Variants in MGAT4C observed in about 807,000 individuals in gnomAD.
MGAT4C encodes the protein MGAT4 family member C, also known as alpha-1,3-mannosyl-glycoprotein 4-beta-N-acetylglucosaminyltransferase C.
A neutral mutation model predicts 40.1 loss-of-function variants in MGAT4C; 19 were observed. That is an observed-to-expected ratio of 0.47 (90% CI 0.33 to 0.70). MGAT4C has a LOEUF of 0.70. Ranked by LOEUF, MGAT4C falls within the 30% of genes least tolerant of loss-of-function variation. The pLI, the probability that MGAT4C is intolerant of heterozygous loss-of-function variation, is 0.02. For synonymous variants in MGAT4C, 181 were observed against 187.1 expected, an observed-to-expected ratio of 0.97 and a Z score of 0.27; for missense variants, 491 against 563.2, an observed-to-expected ratio of 0.87 and a Z score of 1.30.
At chr12:86,770,602 A>G (rs1565978708) in intron 1 of MGAT4C, among the ~76,000 whole-genome samples, 2 of 152,064 alleles carry the variant, frequency 1.3e-5, no homozygotes, top group Admixed American at 1.3e-4. Flanking sequence ...TTTTGCATAG[A>G]TAATGTAGTA....
At chr12:86,568,052 T>C (rs1485621257) in intron 2 of MGAT4C, among the ~76,000 whole-genome samples, 2 of 152,140 alleles carry the variant, frequency 1.3e-5, no homozygotes, top group Admixed American at 6.6e-5. Flanking sequence ...TGGGTTCACG[T>C]TGACAAGGGG....
At chr12:86,353,135 C>T (rs1955213257) in intron 3 of MGAT4C, among the ~76,000 whole-genome samples, 1 of 151,806 alleles carries the variant, frequency 6.6e-6, no homozygotes, top group Non-Finnish European at 1.5e-5. Flanking sequence ...TATCTCTCAC[C>T]TGGATTAATA....
At chr12:86,012,778 A>AACAACC (rs1308194133) in intron 2 of MGAT4C, among the ~76,000 whole-genome samples, 7,587 of 135,916 alleles carry the variant, frequency 0.056, 293 homozygotes, top group East Asian at 0.13. Flanking sequence ...CAACAACAAC[A>AACAACC]ACCACCACCA....
At chr12:86,383,202 G>C (rs1955979842) in intron 3 of MGAT4C, among the ~76,000 whole-genome samples, 1 of 152,186 alleles carries the variant, frequency 6.6e-6, no homozygotes, top group African/African-American at 2.4e-5. Flanking sequence ...CCCTGCATCA[G>C]CGTGACCTGG....
At chr12:86,588,321 G>C (rs1159423063) in intron 2 of MGAT4C, among the ~76,000 whole-genome samples, 2 of 151,878 alleles carry the variant, frequency 1.3e-5, no homozygotes, top group Non-Finnish European at 2.9e-5. Flanking sequence ...ATTACATAAT[G>C]GTAAAGGAAT....
intron 1 of MGAT4C, among the ~76,000 whole-genome samples, chr12:86,118,297 T>C (rs973737815): frequency 6.6e-6 from 1 of 152,126 alleles, no homozygotes; most frequent in Non-Finnish European, 1.5e-5. Flanking sequence ...TTGTTCAGGG[T>C]CCGGCAAGGA....
chr12:86,089,431 TAGATTG>T (rs1230640038), intron 1 of MGAT4C, among the ~76,000 whole-genome samples: 1 of 151,920 alleles, frequency 6.6e-6, no homozygotes, highest in Non-Finnish European at 1.5e-5. Context: ...CATGCAGTTA[TAGATTG>T]AGCTTGTTGA....
At chr12:86,364,373 T>C (rs1955547125) in intron 3 of MGAT4C, among the ~76,000 whole-genome samples, 1 of 152,130 alleles carries the variant, frequency 6.6e-6, no homozygotes, top group Non-Finnish European at 1.5e-5. Flanking sequence ...TATTTGTCAA[T>C]ACCAACACCA....
intron 2 of MGAT4C, among the ~76,000 whole-genome samples, chr12:86,478,359 C>A (rs1403400907): frequency 1.3e-5 from 2 of 152,092 alleles, no homozygotes; most frequent in African/African-American, 2.4e-5. Context: ...CTTTTTCAGT[C>A]TGTTTTAAAG....
chr12:86,723,400 C>A (rs1474157863), intron 2 of MGAT4C, among the ~76,000 whole-genome samples: 2 of 152,094 alleles, frequency 1.3e-5, no homozygotes, highest in Admixed American at 1.3e-4. Flanking sequence ...ATTCTGGAGG[C>A]CAGAAGTTTG....
At chr12:86,539,294 A>G (rs935065798) in intron 2 of MGAT4C, among the ~76,000 whole-genome samples, 52 of 150,808 alleles carry the variant, frequency 3.4e-4, no homozygotes, top group South Asian at 8.4e-4. Flanking sequence ...CTGTCCTTGC[A>G]ATAGTTTGCT....
At chr12:86,283,510 A>T (rs1001085330) in intron 4 of MGAT4C, among the ~76,000 whole-genome samples, 2 of 152,108 alleles carry the variant, frequency 1.3e-5, no homozygotes, top group African/African-American at 2.4e-5. Context: ...AAAAAAATTT[A>T]AACAATCTCC....
chr12:86,828,086 A>G (rs1952842766), intron 1 of MGAT4C, among the ~76,000 whole-genome samples: 1 of 151,180 alleles, frequency 6.6e-6, no homozygotes, highest in Non-Finnish European at 1.5e-5. Flanking sequence ...AGTAGGAAAA[A>G]TTAAATGTAG....
chr12:86,089,219 C>G (rs532271785), intron 1 of MGAT4C, among the ~76,000 whole-genome samples: 1 of 151,884 alleles, frequency 6.6e-6, no homozygotes, highest in Non-Finnish European at 1.5e-5. Context: ...CATGTAAACA[C>G]TTCCTTTTGC....
At chr12:86,778,656 A>G (rs928311820) in intron 1 of MGAT4C, among the ~76,000 whole-genome samples, 2 of 152,188 alleles carry the variant, frequency 1.3e-5, no homozygotes, top group Admixed American at 6.5e-5. Context: ...ACCAATATTA[A>G]GAACAGTATC....
intron 1 of MGAT4C, among the ~76,000 whole-genome samples, chr12:86,082,730 C>G (rs1871073221): frequency 6.6e-6 from 1 of 151,980 alleles, no homozygotes; most frequent in Middle Eastern, 3.2e-3. Context: ...GGGGTTTATT[C>G]ATTATAAAAA....
chr12:86,282,913 T>C lies in MGAT4C; in HGVS notation c.-57+51152A>G, dbSNP rs530438703. ...TTTAGCAAAGCATTTTGTTATATTA[T>C]ACCCAGTGTGTCTTCTAGCACTATG... On this transcript the variant is annotated intron_variant, in intron 4 of 7. Transcript: ENST00000548651. Among the ~76,000 whole-genome samples the C allele has an allele frequency of 2.6e-5, 4 of 152,266 alleles. No homozygotes were observed. The South Asian group carries it at 8.3e-4, about 32-fold the overall frequency.
intron 1 of MGAT4C, among the ~76,000 whole-genome samples, chr12:86,807,286 C>T (rs778981808): frequency 1.2e-4 from 18 of 151,940 alleles, no homozygotes; most frequent in Non-Finnish European, 2.1e-4. Context: ...CCCACTCCAC[C>T]CTCAGACAGG....
intron 1 of MGAT4C, among the ~76,000 whole-genome samples, chr12:86,209,695 G>A (rs906562246): frequency 6.6e-6 from 1 of 152,032 alleles, no homozygotes. Flanking sequence ...TCAAAGGCAG[G>A]CCTAGTCATT....
Sources: gnomAD v4.1 joint callset for allele counts (sites outside exome capture counted in the v4.1 genomes callset) on GRCh38, gnomAD v4.1.1 for gene constraint, MANE v1.5 for transcripts, NCBI Gene and HGNC (gene_info 2026-07-23, HGNC 2026-07-21) for gene names.